Variants in WAC observed in about 807,000 individuals in gnomAD.
WAC encodes WW domain containing adaptor with coiled-coil, also known as WW domain-containing adapter protein with coiled-coil.
WAC carries 11 observed loss-of-function variants against 79.6 expected under a neutral mutation model. That is an observed-to-expected ratio of 0.14 (90% CI 0.09 to 0.23). WAC has a LOEUF of 0.23. Among genes scored for constraint, WAC ranks in the 10% least tolerant of loss-of-function variants. The pLI is 1.00. For missense variants in WAC, 728 were observed against 773.5 expected (o/e 0.94, Z 0.70); for synonymous variants, 304 against 276.9 (o/e 1.10, Z -0.97).
chr10:28,609,943 T>C (rs1312429245), intron 8 of WAC, among the ~76,000 whole-genome samples: 1 of 150,864 alleles, frequency 6.6e-6, no homozygotes, highest in Non-Finnish European at 1.5e-5. Flanking sequence ...TTTTTTTTTT[T>C]TTTTGAGATG....
intron 5 of WAC, among the ~76,000 whole-genome samples, chr10:28,590,512 T>C (rs1217163252): frequency 1.3e-5 from 2 of 152,176 alleles, no homozygotes; most frequent in Admixed American, 1.3e-4. Flanking sequence ...GCGTTAGTGG[T>C]ATAACAATTG....
In WAC at chr10:28,610,780, T is replaced by C. The variant is rs1258474360; in HGVS notation, c.1247T>C (p.Ile416Thr). ...ACTGCTGGACCATCTGCTTTCAACA[T>C]AACGTCTCTGATTTCTCAAGCTGCT... The part of the protein sequence containing the change: ...FLTAGPSAFN[I>T]TSLISQAAQL... The change falls in exon 9 of 14, where the codon ATA (isoleucine) becomes ACA (threonine). Residue 416 changes from isoleucine (I) to threonine (T), a missense_variant. Physicochemically the swap from Ile to Thr is moderately conservative, Grantham distance 89. This residue lies in a region of WAC where 648 missense variants were observed against 661.5 expected (regional missense o/e 0.98). Transcript: ENST00000354911. 6.2e-7 allele frequency: 1 copy of C among 1,612,502 alleles called. No individual in the cohort carries two copies. Among genetic ancestry groups the C allele is most frequent in the Non-Finnish European group, 8.5e-7 (1 of 1,179,620 alleles).
At chr10:28,559,136 A>ATGTGTGTGTGTGTGTGTGTG (rs111740298) in intron 3 of WAC, among the ~76,000 whole-genome samples, 3,225 of 146,684 alleles carry the variant, frequency 0.022, 83 homozygotes, top group Admixed American at 0.07. Context: ...GAGAAACCTG[A>ATGTGTGTGTGTGTGTGTGTG]TGTGTGTGTG....
chr10:28,574,970 GAA>G (rs910124894), intron 3 of WAC, among the ~76,000 whole-genome samples: 2 of 143,564 alleles, frequency 1.4e-5, no homozygotes, highest in African/African-American at 4.9e-5. Context: ...ATGAATCAAA[GAA>G]AAAGTTACAT....
chr10:28,570,978 T>C (rs1011634027), intron 3 of WAC, among the ~76,000 whole-genome samples: 2 of 110,066 alleles, frequency 1.8e-5, no homozygotes, highest in African/African-American at 7.2e-5. Context: ...TTTTTTTGAG[T>C]TGGAGTCTCA....
chr10:28,568,425 G>A (rs1210158039), intron 3 of WAC, among the ~76,000 whole-genome samples: 5 of 151,964 alleles, frequency 3.3e-5, no homozygotes, highest in Admixed American at 3.3e-4. Context: ...CTGTCAGCCG[G>A]GCTGGTGTGC....
At chr10:28,578,072 T>A (rs1416850281) in intron 3 of WAC, among the ~76,000 whole-genome samples, 1 of 152,146 alleles carries the variant, frequency 6.6e-6, no homozygotes, top group Non-Finnish European at 1.5e-5. Context: ...GGCACAAGGA[T>A]CTCTTGAGCC....
rs1278418115 is a variant in WAC at position 28,619,647 on chromosome 10, T to C, written c.*41T>C. ...CACATGGTTTTGAGAACAGGAACTG[T>C]AAATCTGTTGCCCAATCTTAACATT... is the stretch of plus-strand genomic sequence containing the variant. On this transcript the variant is annotated 3_prime_UTR_variant, in exon 14 of 14. Transcript: ENST00000354911. 4 of 1,505,288 alleles carry C rather than the reference T, an allele frequency of 2.7e-6. No individual in the cohort carries two copies. Among genetic ancestry groups the C allele is most frequent in the African/African-American group, 2.9e-5 (2 of 69,288 alleles). 93.2% of individuals were successfully genotyped at this position (1,505,288 alleles called of 1,614,324 possible). A position where few individuals can be genotyped will look rare whatever the true frequency, so the allele number is the denominator to read the frequency against.
chr10:28,621,414 CAAA>C lies in WAC; in HGVS notation c.*1811_*1813del, dbSNP rs576103297. The C allele has an allele frequency of 3.9e-4, 59 of 152,056 alleles. No homozygotes were observed. Among genetic ancestry groups the C allele is most frequent in the African/African-American group, 1.4e-3 (56 of 41,474 alleles). The allele number at this position is 152,056 out of a possible 1,614,324, so 9.4% of individuals were successfully genotyped here. ...AAATGTTCAGGCTTTTCAGTAAGCT[CAAA>C]AAGTTAACTGTAAGCGATAGTGTTG... On this transcript the variant is annotated 3_prime_UTR_variant, in exon 14 of 14. Coordinates refer to ENST00000354911, the MANE Select transcript of WAC (RefSeq NM_016628.5).
Position 28,577,585 on chromosome 10 carries a change from G to A in WAC, c.275-5814G>A, listed in dbSNP as rs184628383. Among the ~76,000 whole-genome samples the A allele has an allele frequency of 3.9e-5, 6 of 152,248 alleles. No individual in the cohort carries two copies. In the East Asian group the frequency reaches 9.6e-4, roughly 24 times the overall value. On this transcript the variant is annotated intron_variant, in intron 3 of 13. Coordinates refer to ENST00000354911, the MANE Select transcript of WAC (RefSeq NM_016628.5). ...TTGGTGAAACTCTTTTAAGTGCTGTGGCCGCTGGTTAGGAGTGATGAAAGG... is the reference window on the plus strand; with the variant it reads ...TTGGTGAAACTCTTTTAAGTGCTGTAGCCGCTGGTTAGGAGTGATGAAAGG...
rs1416732019 is a variant in WAC, at chr10:28,589,837, A to G, written c.483A>G (p.Lys161=). The G allele has an allele frequency of 6.2e-7, 1 of 1,611,032 alleles. No homozygotes were observed. The highest frequency in any genetic ancestry group is 1.7e-5 in the Admixed American group (1 of 59,984). ...AAGTTTCACAATGGGAAAAACCAAA[A>G]GAGTGGCTTGAAAGGTAATTAGCTT... ...RTEVSQWEKP[K]EWLEREQRQK... The change falls in exon 5 of 14, where the codon AAA becomes AAG. Residue 161 remains lysine, a synonymous_variant. Transcript: ENST00000354911.
chr10:28,614,602 A>C lies in WAC; in HGVS notation c.1473A>C (p.Ser491=). 1 of 1,614,222 alleles carries C rather than the reference A, an allele frequency of 6.2e-7. No individual in the cohort carries two copies. Reference sequence around the variant, plus strand: ...CAGTAGTTAAGCAAGGACCAGTGTCACAGTCAGCCACACAGCAGCCTGTAA... The same window carrying C: ...CAGTAGTTAAGCAAGGACCAGTGTCCCAGTCAGCCACACAGCAGCCTGTAA... ...STPVVKQGPV[S]QSATQQPVTA... Residue 491 remains serine, a synonymous_variant, in exon 11 of 14, where the codon TCA becomes TCC. Coordinates refer to ENST00000354911, the MANE Select transcript of WAC (RefSeq NM_016628.5).
chr10:28,549,236 G>A (rs544663864), intron 3 of WAC, among the ~76,000 whole-genome samples: 34 of 152,200 alleles, frequency 2.2e-4, no homozygotes, highest in African/African-American at 7.9e-4. Flanking sequence ...TTTCCTTTCT[G>A]TGCTGCTGTT....
intron 3 of WAC, among the ~76,000 whole-genome samples, chr10:28,546,958 C>G (rs1022422118): frequency 2.7e-5 from 4 of 149,798 alleles, no homozygotes; most frequent in Admixed American, 2.7e-4. Context: ...CTTTTTGTTT[C>G]TAATTTTCTT....
Position 28,608,190 on chromosome 10 carries a change from T to C in WAC, c.924T>C (p.Ser308=). 6.2e-7 allele frequency: 1 copy of C among 1,613,910 alleles called. No individual in the cohort carries two copies. The highest frequency in any genetic ancestry group is 8.5e-7 in the Non-Finnish European group (1 of 1,179,946). ...GCTGATTATCTTTTTATTTAGAATCTACATCAGGAGACAAACCCGTATCAC... is the reference window on the plus strand; with the variant it reads ...GCTGATTATCTTTTTATTTAGAATCCACATCAGGAGACAAACCCGTATCAC... The part of the protein sequence containing the change: ...VPAQKTERKE[S]TSGDKPVSHS... Residue 308 remains serine (S), a synonymous_variant, in exon 8 of 14, where the codon TCT becomes TCC. Transcript: ENST00000354911.
rs1212601285 is a variant in WAC at position 28,541,415 on chromosome 10, G to GTGT, written c.274+5659_274+5660insGTT. The stretch of plus-strand genomic sequence containing the variant: ...TTTTTGTGGGGTTGTGTGTGTGTGT[G>GTGT]TTTTGTTTTTTTTTTTTTTTTTTTT... On this transcript the variant is annotated intron_variant, in intron 3 of 13. Transcript: ENST00000354911. 2.1e-3 allele frequency among the ~76,000 whole-genome samples: 81 copies of GTGT among 37,880 alleles called. 2 individuals carry two copies. The highest frequency in any genetic ancestry group is 5.0e-3 in the East Asian group (5 of 1,010). The allele number at this position is 37,880 out of a possible 152,430, so 24.9% of individuals were successfully genotyped here.
rs575021324 is a variant in WAC, at chr10:28,582,639, T to C, written c.275-760T>C. ...AAAAATCTAGAATTAAGGAATGATA[T>C]TGAAATACTAACATTAGACTTCTGT... On this transcript the variant is annotated intron_variant, in intron 3 of 13. Coordinates refer to ENST00000354911, the MANE Select transcript of WAC (RefSeq NM_016628.5). 2.6e-4 allele frequency among the ~76,000 whole-genome samples: 39 copies of C among 152,366 alleles called. 1 individual carries two copies. In the South Asian group the frequency reaches 6.8e-3, roughly 27 times the overall value.
intron 9 of WAC, 117 bp downstream of exon 9, chr10:28,610,938 TTAGC>T: frequency 8.4e-7 from 1 of 1,185,326 alleles, no homozygotes. Flanking sequence ...TTTTAAGAGA[TTAGC>T]TACAATAATT....
chr10:28,563,744 CTTTTTTT>C (rs71281550), intron 3 of WAC, among the ~76,000 whole-genome samples: 41 of 67,910 alleles, frequency 6.0e-4, no homozygotes, highest in East Asian at 9.6e-4. Flanking sequence ...CTACACCCAG[CTTTTTTT>C]TTTTTTTTTT....
Sources: gnomAD v4.1 joint callset for allele counts (sites outside exome capture counted in the v4.1 genomes callset) on GRCh38, gnomAD v4.1.1 for gene constraint, gnomAD v4.1.1 regional missense constraint, MANE v1.5 for transcripts, NCBI Gene and HGNC (gene_info 2026-07-23, HGNC 2026-07-21) for gene names.